SUPT3H: variants seen among roughly 807,000 people sequenced by gnomAD.
The protein encoded by SUPT3H is SPT3 homolog, SAGA and STAGA complex component.
SUPT3H carries 44 observed loss-of-function variants against 44.3 expected under a neutral mutation model. The observed-to-expected ratio is 0.99, with a 90% CI of 0.78 to 1.28. The LOEUF is 1.28. Ranked by LOEUF, SUPT3H falls within the 50% of genes most tolerant of loss-of-function variation. The pLI, the probability that SUPT3H is intolerant of heterozygous loss-of-function variation, is 0.00. For synonymous variants in SUPT3H, 124 were observed against 125.6 expected (o/e 0.99, Z 0.09); for missense variants, 380 against 387.1 (o/e 0.98, Z 0.15).
At chr6:45,280,090 T>C (rs773880421) in intron 2 of SUPT3H, among the ~76,000 whole-genome samples, 6 of 152,184 alleles carry the variant, frequency 3.9e-5, no homozygotes, top group Non-Finnish European at 5.9e-5. Flanking sequence ...TCTAATCATG[T>C]CTCACCATCT....
rs1810224890 is a variant in SUPT3H at position 45,168,251 on chromosome 6, T to G, written c.102-62245A>C. 2.0e-5 allele frequency among the ~76,000 whole-genome samples: 3 copies of G among 152,216 alleles called. No homozygotes were observed. The South Asian group carries it at 6.2e-4, about 31-fold the overall frequency. Reference sequence around the variant, plus strand: ...TTTCTAGGAATCTCACAATTTATGCTAGGATACAGTAACGGGCTAAATATC... The same window carrying G: ...TTTCTAGGAATCTCACAATTTATGCGAGGATACAGTAACGGGCTAAATATC... On this transcript the variant is annotated intron_variant, in intron 2 of 10. Transcript: ENST00000371459.
At chr6:45,274,054 T>C (rs1185944717) in intron 2 of SUPT3H, among the ~76,000 whole-genome samples, 2 of 152,240 alleles carry the variant, frequency 1.3e-5, no homozygotes, top group East Asian at 1.9e-4. Flanking sequence ...GCTAATGACA[T>C]TGAGCATCTT....
intron 9 of SUPT3H, among the ~76,000 whole-genome samples, chr6:44,941,095 G>A (rs1008177899): frequency 6.6e-5 from 10 of 152,066 alleles, no homozygotes; most frequent in African/African-American, 2.2e-4. Context: ...TTTTGCTCCT[G>A]TGATATTGTT....
chr6:45,357,820 A>G (rs985384266), intron 2 of SUPT3H, among the ~76,000 whole-genome samples: 11 of 152,312 alleles, frequency 7.2e-5, no homozygotes, highest in Admixed American at 6.5e-4. Context: ...ATATTCAATT[A>G]CACATGCTGA....
At chr6:45,353,254 T>C (rs1381930658) in intron 2 of SUPT3H, among the ~76,000 whole-genome samples, 1 of 152,022 alleles carries the variant, frequency 6.6e-6, no homozygotes, top group Non-Finnish European at 1.5e-5. Context: ...CTACTTAAAA[T>C]TTGCACTTAG....
chr6:45,006,595 T>G (rs907730940), intron 5 of SUPT3H, among the ~76,000 whole-genome samples: 8 of 152,144 alleles, frequency 5.3e-5, no homozygotes, highest in African/African-American at 1.7e-4. Context: ...ATTATACTCC[T>G]ACCAAGAGGT....
At chr6:45,222,250 C>T (rs1183812903) in intron 2 of SUPT3H, among the ~76,000 whole-genome samples, 1 of 152,036 alleles carries the variant, frequency 6.6e-6, no homozygotes, top group Non-Finnish European at 1.5e-5. Flanking sequence ...CATTGCACCT[C>T]ATCAAAATTA....
At chr6:44,963,211 C>T (rs746161204) in intron 6 of SUPT3H, among the ~76,000 whole-genome samples, 4 of 151,958 alleles carry the variant, frequency 2.6e-5, no homozygotes, top group Non-Finnish European at 4.4e-5. Flanking sequence ...AGAAATATCA[C>T]GTCTCGGCTG....
At chr6:45,281,307 C>T (rs758746991) in intron 2 of SUPT3H, among the ~76,000 whole-genome samples, 4 of 152,178 alleles carry the variant, frequency 2.6e-5, no homozygotes, top group Non-Finnish European at 4.4e-5. Flanking sequence ...GCATCACCCG[C>T]GAAGCGCAAG....
intron 2 of SUPT3H, among the ~76,000 whole-genome samples, chr6:45,207,888 A>G (rs1192664100): frequency 1.3e-5 from 2 of 152,210 alleles, no homozygotes; most frequent in Non-Finnish European, 2.9e-5. Flanking sequence ...TGGCCAGTCA[A>G]TAACCCTACA....
Position 45,181,126 on chromosome 6 carries a change from C to T in SUPT3H, c.102-75120G>A, listed in dbSNP as rs552686321. Reference sequence around the variant, plus strand: ...AAACACATGAAAAAATGCTCACCATCGCTGGCCATCAGAGAAATGCAAATC... The same window carrying T: ...AAACACATGAAAAAATGCTCACCATTGCTGGCCATCAGAGAAATGCAAATC... On this transcript the variant is annotated intron_variant, in intron 2 of 10. Coordinates refer to ENST00000371459, the MANE Select transcript of SUPT3H (RefSeq NM_003599.4). Among the ~76,000 whole-genome samples the T allele has an allele frequency of 3.4e-5, 5 of 148,350 alleles. No homozygotes were observed. The South Asian group carries it at 6.7e-4, about 20-fold the overall frequency.
intron 4 of SUPT3H, among the ~76,000 whole-genome samples, chr6:45,019,900 AT>A (rs1784869210): frequency 6.6e-6 from 1 of 151,964 alleles, no homozygotes; most frequent in African/African-American, 2.4e-5. Context: ...CTAAGAGTTG[AT>A]TAACTGAAAC....
Position 45,095,908 on chromosome 6 carries a change from G to A in SUPT3H, c.186+10014C>T, listed in dbSNP as rs541175917. ...GATATGAAAAAGTTTGCATCTCTCT[G>A]GTAAATGTGAAATTCTTGGAAATTT... On this transcript the variant is annotated intron_variant, in intron 3 of 10. Coordinates refer to ENST00000371459, the MANE Select transcript of SUPT3H (RefSeq NM_003599.4). The surrounding 1 kb of genome is among the most constrained non-coding windows in gnomAD (Gnocchi z 4.1). 1.3e-5 allele frequency among the ~76,000 whole-genome samples: 2 copies of A among 152,106 alleles called. No individual in the cohort carries two copies. Among genetic ancestry groups the A allele is most frequent in the African/African-American group, 4.8e-5 (2 of 41,512 alleles).
chr6:45,246,814 T>C (rs1771431133), intron 2 of SUPT3H, among the ~76,000 whole-genome samples: 1 of 152,118 alleles, frequency 6.6e-6, no homozygotes, highest in Admixed American at 6.6e-5. Context: ...ATATCAAAAT[T>C]TGTAAGATAC....
At chr6:45,328,556 T>A (rs1786807677) in intron 2 of SUPT3H, 1 of 1,580,510 alleles carries the variant, frequency 6.3e-7, no homozygotes, top group African/African-American at 1.4e-5. Flanking sequence ...TTTCACATGT[T>A]ACCAGCTACA....
At chr6:44,916,871 T>A (rs960669548) in intron 10 of SUPT3H, among the ~76,000 whole-genome samples, 2 of 152,156 alleles carry the variant, frequency 1.3e-5, no homozygotes, top group Non-Finnish European at 2.9e-5. Context: ...CAGAGGCTCA[T>A]GTCTGTAATT....
intron 6 of SUPT3H, among the ~76,000 whole-genome samples, chr6:44,988,820 C>T (rs1276759142): frequency 1.3e-5 from 2 of 151,994 alleles, no homozygotes; most frequent in East Asian, 3.8e-4. Context: ...TCTATTTCTC[C>T]ACACCCAAGC....
At chr6:45,111,598 A>T (rs990984313) in intron 2 of SUPT3H, among the ~76,000 whole-genome samples, 5 of 151,582 alleles carry the variant, frequency 3.3e-5, no homozygotes, top group African/African-American at 1.2e-4. Context: ...ACAATAAATA[A>T]AACTTGTATT....
chr6:45,169,747 T>A (rs111371953), intron 2 of SUPT3H, among the ~76,000 whole-genome samples: 1 of 152,184 alleles, frequency 6.6e-6, no homozygotes, highest in Non-Finnish European at 1.5e-5. Context: ...CTGTAAAATG[T>A]AGTTTTATTA....
Sources: gnomAD v4.1 joint callset for allele counts (sites outside exome capture counted in the v4.1 genomes callset) on GRCh38, gnomAD v4.1.1 for gene constraint, Gnocchi (gnomAD v3.1) non-coding constraint, MANE v1.5 for transcripts, NCBI Gene and HGNC (gene_info 2026-07-23, HGNC 2026-07-21) for gene names.